CAMK1D: variants seen among roughly 807,000 people sequenced by gnomAD.
The protein encoded by CAMK1D is calcium/calmodulin dependent protein kinase ID.
CAMK1D carries 9 observed loss-of-function variants against 47.7 expected under a neutral mutation model. That is an observed-to-expected ratio of 0.19 (90% CI 0.11 to 0.33). The LOEUF (loss-of-function observed/expected upper bound fraction) is 0.33, where lower values mean the gene tolerates loss of function less well. Among genes scored for constraint, CAMK1D ranks in the 10% least tolerant of loss-of-function variants. The probability of loss-of-function intolerance (pLI) is 1.00; values close to 1 mark genes in which losing one functional copy is unlikely to be tolerated. For synonymous variants in CAMK1D, 184 were observed against 184.9 expected (o/e 0.99, Z 0.04); for missense variants, 291 against 488.7 (o/e 0.60, Z 3.81).
Position 12,668,697 on chromosome 10 carries a change from T to C in CAMK1D, c.299+1887T>C, listed in dbSNP as rs569279387. On this transcript the variant is annotated intron_variant, in intron 3 of 10. Transcript: ENST00000619168. ...ACAGATGGTCTTTAATTTTATGAGA[T>C]AAAGTTCAAGTCGATTTAGAATTTG... Among the ~76,000 whole-genome samples the C allele has an allele frequency of 2.6e-5, 4 of 152,294 alleles. No individual in the cohort carries two copies. In the South Asian group the frequency reaches 8.3e-4, roughly 32 times the overall value.
intron 2 of CAMK1D, among the ~76,000 whole-genome samples, chr10:12,664,822 T>C (rs1012221000): frequency 1.3e-5 from 2 of 152,236 alleles, no homozygotes; most frequent in African/African-American, 4.8e-5. Context: ...CCACTCTTCA[T>C]ATAATCCCAT....
intron 1 of CAMK1D, among the ~76,000 whole-genome samples, chr10:12,429,674 C>T (rs1207562519): frequency 6.6e-6 from 1 of 152,138 alleles, no homozygotes; most frequent in East Asian, 1.9e-4. Flanking sequence ...TGACCCTGCA[C>T]GACCTCTTCA....
At chr10:12,411,802 G>A (rs1839666545) in intron 1 of CAMK1D, among the ~76,000 whole-genome samples, 1 of 99,280 alleles carries the variant, frequency 1.0e-5, no homozygotes, top group Non-Finnish European at 2.1e-5. Context: ...GTTTCGCCGT[G>A]TTGGGCAGGC....
At chr10:12,378,543 T>C (rs1278062111) in intron 1 of CAMK1D, among the ~76,000 whole-genome samples, 1 of 27,140 alleles carries the variant, frequency 3.7e-5, no homozygotes, top group African/African-American at 7.9e-5. Context: ...CCCCTTAGTA[T>C]TTTTTTTTTT....
At chr10:12,811,764 T>C (rs1832616989) in intron 6 of CAMK1D, among the ~76,000 whole-genome samples, 1 of 152,252 alleles carries the variant, frequency 6.6e-6, no homozygotes, top group African/African-American at 2.4e-5. Flanking sequence ...ATCTAGAATT[T>C]AGTTTTTTCT....
At chr10:12,547,642 C>G (rs981776739) in intron 1 of CAMK1D, among the ~76,000 whole-genome samples, 1 of 105,060 alleles carries the variant, frequency 9.5e-6, no homozygotes, top group South Asian at 3.5e-4. Context: ...CGAGGACACC[C>G]CCCCCCCAAC....
chr10:12,381,510 A>AT (rs1324618235), intron 1 of CAMK1D, among the ~76,000 whole-genome samples: 1 of 151,834 alleles, frequency 6.6e-6, no homozygotes, highest in Non-Finnish European at 1.5e-5. Context: ...TAATTTTTGT[A>AT]TTTTTAGTAG....
intron 2 of CAMK1D, among the ~76,000 whole-genome samples, chr10:12,596,880 T>C (rs1400136836): frequency 6.6e-6 from 1 of 152,064 alleles, no homozygotes; most frequent in Non-Finnish European, 1.5e-5. Context: ...TTTCTTGTGG[T>C]TTTTTTAGGT....
intron 5 of CAMK1D, among the ~76,000 whole-genome samples, chr10:12,785,515 G>A (rs1411718551): frequency 6.6e-6 from 1 of 152,110 alleles, no homozygotes; most frequent in African/African-American, 2.4e-5. Context: ...GAAGCTCTCG[G>A]GTATCTCCAG....
intron 1 of CAMK1D, among the ~76,000 whole-genome samples, chr10:12,469,889 T>C (rs747889984): frequency 5.3e-5 from 8 of 152,226 alleles, no homozygotes; most frequent in Non-Finnish European, 1.0e-4. Flanking sequence ...GTTGTCACTT[T>C]TTTGGTGTGT....
chr10:12,443,127 A>G (rs7086679), intron 1 of CAMK1D, among the ~76,000 whole-genome samples: 1 of 152,048 alleles, frequency 6.6e-6, no homozygotes, highest in African/African-American at 2.4e-5. Context: ...GTATCTAAGG[A>G]CTCTGGAAAA....
At chr10:12,698,354 G>T (rs1833377839) in intron 3 of CAMK1D, among the ~76,000 whole-genome samples, 1 of 152,286 alleles carries the variant, frequency 6.6e-6, no homozygotes, top group African/African-American at 2.4e-5. Context: ...TTCACTTCCA[G>T]CCTCTGAGAA....
At chr10:12,798,438 T>C (rs1838285900) in intron 6 of CAMK1D, among the ~76,000 whole-genome samples, 1 of 152,184 alleles carries the variant, frequency 6.6e-6, no homozygotes, top group Admixed American at 6.5e-5. Context: ...CAATCTAGTC[T>C]TACCAGCTGC....
At chr10:12,767,268 C>T (rs1333722104) in intron 4 of CAMK1D, among the ~76,000 whole-genome samples, 1 of 152,168 alleles carries the variant, frequency 6.6e-6, no homozygotes, top group Non-Finnish European at 1.5e-5. Flanking sequence ...ACCTGCGCCT[C>T]CCAGGTTCAA....
intron 1 of CAMK1D, among the ~76,000 whole-genome samples, chr10:12,456,122 T>TG (rs1189258766): frequency 6.6e-6 from 1 of 152,190 alleles, no homozygotes; most frequent in Non-Finnish European, 1.5e-5. Flanking sequence ...ATTCTCACTG[T>TG]GAAAAAGTCA....
intron 1 of CAMK1D, among the ~76,000 whole-genome samples, chr10:12,540,572 A>ATTT (rs974532264): frequency 2.0e-5 from 3 of 152,220 alleles, no homozygotes; most frequent in African/African-American, 7.2e-5. Context: ...TTGTGTCAGC[A>ATTT]TTTTGATGCC....
intron 1 of CAMK1D, among the ~76,000 whole-genome samples, chr10:12,498,734 A>G (rs1046510619): frequency 3.9e-5 from 6 of 152,070 alleles, no homozygotes; most frequent in African/African-American, 1.4e-4. Flanking sequence ...GTGAGAGAGG[A>G]TGGCAAAGTA....
At chr10:12,814,150 C>A in intron 6 of CAMK1D, 45 bp from the exon 7 acceptor site, 1 of 1,251,526 alleles carries the variant, frequency 8.0e-7, no homozygotes, top group Non-Finnish European at 1.2e-6. Flanking sequence ...AGTCACCACA[C>A]TGGTTATGCA....
intron 2 of CAMK1D, among the ~76,000 whole-genome samples, chr10:12,637,357 C>T (rs572011673): frequency 3.9e-5 from 6 of 152,342 alleles, no homozygotes; most frequent in South Asian, 2.1e-4. Context: ...CTCCCTCTCT[C>T]GAAAGTCATG....
Sources: gnomAD v4.1 joint callset for allele counts (sites outside exome capture counted in the v4.1 genomes callset) on GRCh38, gnomAD v4.1.1 for gene constraint, MANE v1.5 for transcripts, NCBI Gene and HGNC (gene_info 2026-07-23, HGNC 2026-07-21) for gene names.